ITSN2: variants seen among roughly 807,000 people sequenced by gnomAD.
ITSN2 encodes the protein intersectin-2.
ITSN2 carries 156 observed loss-of-function variants against 243.7 expected under a neutral mutation model. The ratio of observed to expected loss-of-function variants is 0.64; its 90% CI spans 0.56 to 0.73. ITSN2 has a LOEUF of 0.73. Among genes scored for constraint, ITSN2 ranks in the 30% least tolerant of loss-of-function variants. The probability of loss-of-function intolerance (pLI) is 0.00; values close to 1 mark genes in which losing one functional copy is unlikely to be tolerated. For synonymous variants in ITSN2, 703 were observed against 699.9 expected (o/e 1.00, Z -0.07); for missense variants, 1,801 against 1,996.1 (o/e 0.90, Z 1.86).
chr2:24,318,445 A>T (rs1684180717), intron 2 of ITSN2, among the ~76,000 whole-genome samples: 1 of 152,136 alleles, frequency 6.6e-6, no homozygotes. Flanking sequence ...GACCATATGC[A>T]TTCTGACATG....
intron 2 of ITSN2, among the ~76,000 whole-genome samples, chr2:24,319,763 C>G (rs1684340042): frequency 2.0e-5 from 3 of 152,190 alleles, no homozygotes; most frequent in Admixed American, 2.0e-4. Context: ...GTAGGGGTTG[C>G]AGGGGGAATA....
chr2:24,312,914 G>A (rs1026989399), intron 4 of ITSN2, among the ~76,000 whole-genome samples: 2 of 152,000 alleles, frequency 1.3e-5, no homozygotes, highest in Non-Finnish European at 2.9e-5. Context: ...ACAGAAAGAG[G>A]ATTTTGAGAT....
chr2:24,282,046 G>A (rs1286868027), intron 17 of ITSN2, among the ~76,000 whole-genome samples: 3 of 152,218 alleles, frequency 2.0e-5, no homozygotes, highest in Admixed American at 6.5e-5. Flanking sequence ...CTTCAGCCTC[G>A]GGCCTATGCC....
At chr2:24,230,846 TAA>T (rs1254901614) in intron 29 of ITSN2, among the ~76,000 whole-genome samples, 1 of 152,170 alleles carries the variant, frequency 6.6e-6, no homozygotes, top group African/African-American at 2.4e-5. Context: ...CCAAAGTTTA[TAA>T]ATAGCCCACA....
Position 24,211,258 on chromosome 2 carries a change from C to T in ITSN2, c.4090-311G>A, listed in dbSNP as rs1052375964. ...TAGGCGGGAGCCTCCCGACTCCTTC[C>T]GAAATTTAAGCCATGTAAGGGTGCG... On this transcript the variant is annotated intron_variant, in intron 33 of 39. Transcript: ENST00000355123. The surrounding 1 kb of genome is among the most constrained non-coding windows in gnomAD (Gnocchi z 4.1). Among the ~76,000 whole-genome samples the T allele has an allele frequency of 2.6e-5, 4 of 152,278 alleles. No homozygotes were observed. Among genetic ancestry groups the T allele is most frequent in the East Asian group, 1.9e-4 (1 of 5,178 alleles).
At chr2:24,280,072 T>C (rs1678572200) in intron 17 of ITSN2, among the ~76,000 whole-genome samples, 1 of 152,208 alleles carries the variant, frequency 6.6e-6, no homozygotes, top group Non-Finnish European at 1.5e-5. Flanking sequence ...GCCTGTCAAA[T>C]GTCTCACTTT....
intron 1 of ITSN2, among the ~76,000 whole-genome samples, chr2:24,337,315 A>AATATATATATATATATATATATAT (rs201712131): frequency 8.4e-4 from 27 of 31,974 alleles, no homozygotes; most frequent in South Asian, 1.4e-3. Context: ...GTATACACAA[A>AATATATATATATATATATATATAT]ATATATATAT....
rs1335950722 is a variant in ITSN2, at chr2:24,211,488, C to T, written c.4090-541G>A. Among the ~76,000 whole-genome samples the T allele has an allele frequency of 2.0e-5, 3 of 152,208 alleles. No homozygotes were observed. Among genetic ancestry groups the T allele is most frequent in the East Asian group, 1.9e-4 (1 of 5,198 alleles). ...TTCATTCTGAAGCGATTTCAAACGACGCATGCTGCAACTGTGAACGCGCAG... is the reference window on the plus strand; with the variant it reads ...TTCATTCTGAAGCGATTTCAAACGATGCATGCTGCAACTGTGAACGCGCAG... On this transcript the variant is annotated intron_variant, in intron 33 of 39. Coordinates refer to ENST00000355123, the MANE Select transcript of ITSN2 (RefSeq NM_006277.3). The surrounding 1 kb of genome is among the most constrained non-coding windows in gnomAD (Gnocchi z 4.1).
In ITSN2 at chr2:24,310,295, T is replaced by G. The variant is rs560892975; in HGVS notation, c.642A>C (p.Leu214Phe). The change falls in exon 7 of 40, where the codon TTA becomes TTC. Residue 214 changes from leucine to phenylalanine, a missense_variant. Leu to Phe is a conservative substitution (Grantham distance 22, BLOSUM62 0). This residue lies in a region of ITSN2 where 787 missense variants were observed against 803.9 expected (regional missense o/e 0.98). Transcript: ENST00000355123. ...TTAGCTATTCATACCTACTAGATCCTAAATCAATCAGAGACTGCGCTTTCT... is the reference window on the plus strand; with the variant it reads ...TTAGCTATTCATACCTACTAGATCCGAAATCAATCAGAGACTGCGCTTTCT... Reference protein sequence around the residue: ...SIQKAQSLIDLGSSSSTSSTA... With the variant: ...SIQKAQSLIDFGSSSSTSSTA... The G allele has an allele frequency of 3.7e-5, 59 of 1,611,410 alleles. No homozygotes were observed. In the African/African-American group the frequency reaches 7.1e-4, roughly 19 times the overall value.
intron 31 of ITSN2, among the ~76,000 whole-genome samples, chr2:24,216,553 C>G (rs531827650): frequency 2.6e-5 from 4 of 151,974 alleles, no homozygotes; most frequent in Middle Eastern, 3.2e-3. Flanking sequence ...CCCAGGAGTT[C>G]GAGACCAGCT....
chr2:24,350,722 T>C (rs1020884232), intron 1 of ITSN2, among the ~76,000 whole-genome samples: 2 of 152,166 alleles, frequency 1.3e-5, no homozygotes, highest in Admixed American at 6.5e-5. Flanking sequence ...GAAAACACTA[T>C]GGTAAGTAAA....
intron 17 of ITSN2, among the ~76,000 whole-genome samples, chr2:24,276,828 A>T (rs892114027): frequency 6.6e-6 from 1 of 152,224 alleles, no homozygotes; most frequent in Non-Finnish European, 1.5e-5. Context: ...TGGGATTCAC[A>T]TATGTTGAAG....
intron 8 of ITSN2, among the ~76,000 whole-genome samples, chr2:24,305,820 G>A (rs901703427): frequency 3.9e-5 from 6 of 151,948 alleles, no homozygotes; most frequent in Non-Finnish European, 8.8e-5. Flanking sequence ...CACAACCTTC[G>A]TACAATGTGA....
At position 24,356,715 on chromosome 2, in the gene ITSN2, A is replaced by G. The variant is rs1399675774; in HGVS notation, c.-34+3589T>C. Among the ~76,000 whole-genome samples the G allele has an allele frequency of 7.2e-5, 11 of 152,194 alleles. No individual in the cohort carries two copies. The South Asian group carries it at 2.3e-3, about 32-fold the overall frequency. On this transcript the variant is annotated intron_variant, in intron 1 of 39. Coordinates refer to ENST00000355123, the MANE Select transcript of ITSN2 (RefSeq NM_006277.3). Reference sequence around the variant, plus strand: ...GCTCATCTGAGGTTGGGAGTTCTAGACCAGCCTGGCCAACATGTCTCTACT... The same window carrying G: ...GCTCATCTGAGGTTGGGAGTTCTAGGCCAGCCTGGCCAACATGTCTCTACT...
intron 20 of ITSN2, among the ~76,000 whole-genome samples, chr2:24,263,110 T>C (rs1676123047): frequency 6.6e-6 from 1 of 152,230 alleles, no homozygotes; most frequent in South Asian, 2.1e-4. Context: ...TAGCATTATA[T>C]ACATTATATA....
At chr2:24,294,820 T>A (rs1680735371) in intron 14 of ITSN2, among the ~76,000 whole-genome samples, 1 of 152,192 alleles carries the variant, frequency 6.6e-6, no homozygotes, top group Admixed American at 6.5e-5. Flanking sequence ...AATGCAGTAC[T>A]ATTAAGAAGT....
In ITSN2 at chr2:24,355,642, T is replaced by C. The variant is rs1688376980; in HGVS notation, c.-34+4662A>G. On this transcript the variant is annotated intron_variant, in intron 1 of 39. Transcript: ENST00000355123. ...AACCATAAAACCCTAGAAGAAAACCTAGGCAATACCATTCAGGACATAGGC... is the reference window on the plus strand; with the variant it reads ...AACCATAAAACCCTAGAAGAAAACCCAGGCAATACCATTCAGGACATAGGC... Among the ~76,000 whole-genome samples the C allele has an allele frequency of 2.0e-5, 3 of 152,188 alleles. No individual in the cohort carries two copies. In the South Asian group the frequency reaches 6.2e-4, roughly 32 times the overall value.
intron 1 of ITSN2, among the ~76,000 whole-genome samples, chr2:24,355,083 T>C (rs905113374): frequency 6.6e-6 from 1 of 152,206 alleles, no homozygotes; most frequent in Non-Finnish European, 1.5e-5. Context: ...TCCCACTTCC[T>C]CTTTGCTCTC....
chr2:24,229,220 A>G (rs550648429), intron 29 of ITSN2, among the ~76,000 whole-genome samples: 1 of 152,222 alleles, frequency 6.6e-6, no homozygotes, highest in Non-Finnish European at 1.5e-5. Context: ...ATTAATGAGA[A>G]TATGAAAGAT....
Sources: gnomAD v4.1 joint callset for allele counts (sites outside exome capture counted in the v4.1 genomes callset) on GRCh38, gnomAD v4.1.1 for gene constraint, gnomAD v4.1.1 regional missense constraint, Gnocchi (gnomAD v3.1) non-coding constraint, MANE v1.5 for transcripts, NCBI Gene and HGNC (gene_info 2026-07-23, HGNC 2026-07-21) for gene names.